Variants in SHISA9 observed in about 807,000 individuals in gnomAD.
The protein encoded by SHISA9 is protein shisa-9.
SHISA9 carries 13 observed loss-of-function variants against 38.0 expected under a neutral mutation model. The observed-to-expected ratio is 0.34, with a 90% confidence interval of 0.22 to 0.54. SHISA9 has a LOEUF of 0.54. Ranked by LOEUF, SHISA9 falls within the 20% of genes least tolerant of loss-of-function variation. SHISA9 has a pLI of 0.91. For missense variants in SHISA9, 538 were observed against 575.8 expected, an observed-to-expected ratio of 0.93 and a Z score of 0.67; for synonymous variants, 275 against 242.0, an observed-to-expected ratio of 1.14 and a Z score of -1.27.
At chr16:13,387,129 A>G in the SHISA9 span, among the ~76,000 whole-genome samples, 1 of 152,216 alleles carries the variant, frequency 6.6e-6, no homozygotes, top group Non-Finnish European at 1.5e-5. Context: ...CCATTTCTGT[A>G]CATTTACATA....
the SHISA9 span, among the ~76,000 whole-genome samples, chr16:13,445,917 T>C: frequency 6.6e-6 from 1 of 152,042 alleles, no homozygotes; most frequent in African/African-American, 2.4e-5. Flanking sequence ...CATTTGAGAG[T>C]CAAAGAGGCA....
chr16:13,458,532 A>G, the SHISA9 span: 2 of 425,702 alleles, frequency 4.7e-6, no homozygotes, highest in African/African-American at 2.1e-5. Context: ...CTGAAGAACT[A>G]GTAAAATTAA....
intron 2 of SHISA9, among the ~76,000 whole-genome samples, chr16:13,118,735 T>TTC (rs1555463204): frequency 2.7e-5 from 4 of 149,182 alleles, no homozygotes; most frequent in Non-Finnish European, 4.5e-5. Context: ...TTTTTCTTTT[T>TTC]TTTTTTTTTT....
At chr16:12,941,894 C>T (rs1211284669) in intron 2 of SHISA9, among the ~76,000 whole-genome samples, 1 of 152,114 alleles carries the variant, frequency 6.6e-6, no homozygotes, top group East Asian at 1.9e-4. Flanking sequence ...TTATAGTCAC[C>T]CTGTTGTGCT....
chr16:13,287,502 G>A, the SHISA9 span, among the ~76,000 whole-genome samples: 1 of 152,158 alleles, frequency 6.6e-6, no homozygotes, highest in Admixed American at 6.5e-5. Context: ...AGATAGAATA[G>A]ATGTTGAACC....
At chr16:13,423,221 C>T in the SHISA9 span, among the ~76,000 whole-genome samples, 2 of 152,192 alleles carry the variant, frequency 1.3e-5, no homozygotes, top group African/African-American at 2.4e-5. Flanking sequence ...AGAGTGAAGG[C>T]TTCAATATTC....
At chr16:13,371,588 A>C in the SHISA9 span, among the ~76,000 whole-genome samples, 1 of 152,226 alleles carries the variant, frequency 6.6e-6, no homozygotes, top group South Asian at 2.1e-4. Context: ...GTGAACACAC[A>C]TGGTTGAAAC....
At chr16:13,440,235 GCCTCTCCCATTTGTATAC>G in the SHISA9 span, among the ~76,000 whole-genome samples, 1 of 152,214 alleles carries the variant, frequency 6.6e-6, no homozygotes, top group Non-Finnish European at 1.5e-5. Context: ...TCAGAAGGAA[GCCTCTCCCATTTGTATAC>G]CCTCTAATTC....
chr16:13,353,356 T>A, the SHISA9 span, among the ~76,000 whole-genome samples: 1 of 152,174 alleles, frequency 6.6e-6, no homozygotes, highest in Non-Finnish European at 1.5e-5. Flanking sequence ...TCAGGATATC[T>A]GATTAGAGAG....
the SHISA9 span, among the ~76,000 whole-genome samples, chr16:13,313,193 T>G: frequency 4.9e-5 from 7 of 141,890 alleles, no homozygotes; most frequent in Admixed American, 3.7e-4. Flanking sequence ...AGGCGGAGCT[T>G]GCAGTGAGCC....
At chr16:13,124,369 T>C (rs2050238748) in intron 2 of SHISA9, among the ~76,000 whole-genome samples, 1 of 152,128 alleles carries the variant, frequency 6.6e-6, no homozygotes, top group Non-Finnish European at 1.5e-5. Flanking sequence ...CCAAACATAT[T>C]AGCCAGGGTA....
intron 2 of SHISA9, among the ~76,000 whole-genome samples, chr16:12,972,452 T>C (rs2072097652): frequency 6.6e-6 from 1 of 152,148 alleles, no homozygotes; most frequent in Non-Finnish European, 1.5e-5. Flanking sequence ...GAGAGTGATA[T>C]ATAATGAGGT....
At chr16:13,474,378 T>C in the SHISA9 span, 2 of 152,210 alleles carry the variant, frequency 1.3e-5, no homozygotes, top group Non-Finnish European at 2.9e-5. Context: ...TAATATACGA[T>C]TTAAGAAACT....
the SHISA9 span, chr16:13,350,702 G>C: frequency 4.5e-4 from 68 of 152,290 alleles, no homozygotes; most frequent in African/African-American, 1.6e-3. Flanking sequence ...AGAGGCCCAA[G>C]TTCCTCCAAG....
At chr16:13,470,812 G>T in the SHISA9 span, among the ~76,000 whole-genome samples, 1 of 152,144 alleles carries the variant, frequency 6.6e-6, no homozygotes, top group African/African-American at 2.4e-5. Flanking sequence ...ATTGAACTGT[G>T]TTAAAGTCCT....
chr16:12,970,342 T>TATAC (rs1567356770), intron 2 of SHISA9, among the ~76,000 whole-genome samples: 6 of 77,184 alleles, frequency 7.8e-5, no homozygotes, highest in Non-Finnish European at 1.2e-4. Context: ...TATATATATA[T>TATAC]ACATATATGT....
At chr16:13,399,617 C>T in the SHISA9 span, among the ~76,000 whole-genome samples, 11 of 152,172 alleles carry the variant, frequency 7.2e-5, no homozygotes, top group South Asian at 2.1e-4. Flanking sequence ...TCCATGGGTC[C>T]GTGGCTTTCT....
chr16:13,219,527 T>G (rs565896827), intron 4 of SHISA9, among the ~76,000 whole-genome samples: 1 of 152,276 alleles, frequency 6.6e-6, no homozygotes, highest in South Asian at 2.1e-4. Flanking sequence ...AGACTATTAA[T>G]TTTTTTGCCC....
intron 4 of SHISA9, among the ~76,000 whole-genome samples, chr16:13,213,849 C>A (rs374730165): frequency 6.0e-4 from 91 of 152,310 alleles, no homozygotes; most frequent in African/African-American, 2.1e-3. Context: ...GACCAGGTGG[C>A]AGCTATCATT....
Sources: gnomAD v4.1 joint callset for allele counts (sites outside exome capture counted in the v4.1 genomes callset) on GRCh38, gnomAD v4.1.1 for gene constraint, MANE v1.5 for transcripts, NCBI Gene and HGNC (gene_info 2026-07-23, HGNC 2026-07-21) for gene names.